The following PRTG variants were observed in gnomAD, a reference collection of about 807,000 sequenced individuals.
The protein encoded by PRTG is protogenin, also known as immunoglobulin superfamily, DCC subclass, member 5.
PRTG carries 67 observed loss-of-function variants against 122.5 expected under a neutral mutation model. The ratio of observed to expected loss-of-function variants is 0.55; its 90% CI spans 0.45 to 0.67. The LOEUF is 0.67. PRTG is among the 30% of genes least tolerant of loss of function. The pLI is 0.00. For missense variants in PRTG, 1,435 were observed against 1,415.4 expected (o/e 1.01, Z -0.22); for synonymous variants, 554 against 501.1 (o/e 1.11, Z -1.41).
chr15:55,620,452 C>T (rs1280127998), intron 19 of PRTG, among the ~76,000 whole-genome samples, 186 bp from the exon 20 acceptor site: 2 of 152,190 alleles, frequency 1.3e-5, no homozygotes, highest in Admixed American at 6.5e-5. Context: ...ACTGACCCTA[C>T]TCCCCACTGA....
chr15:55,655,472 A>G (rs1567085386), intron 11 of PRTG: 1 of 152,226 alleles, frequency 6.6e-6, no homozygotes, highest in Non-Finnish European at 1.5e-5. Flanking sequence ...ATATTATTAT[A>G]AATATCAGTT....
At position 55,627,110 on chromosome 15, in the gene PRTG, T is replaced by G. The variant is rs2059199253; in HGVS notation, c.2825A>C (p.His942Pro). The change falls in exon 17 of 20, where the codon CAT (histidine) becomes CCT (proline). Residue 942 changes from histidine (H) to proline (P), a missense_variant. Coordinates refer to ENST00000389286, the MANE Select transcript of PRTG (RefSeq NM_173814.6). ...GCCAGTCATTGATTTTTGGTCCAGA[T>G]GGTAATATCCTGAATAAACTAGAAG... Reference protein sequence around the residue: ...ADAKVYSGYYHLDQKSMTGIA... With the variant: ...ADAKVYSGYYPLDQKSMTGIA... 6.2e-7 allele frequency: 1 copy of G among 1,603,082 alleles called. No individual in the cohort carries two copies.
chr15:55,721,059 G>C (rs1378118421), intron 2 of PRTG, among the ~76,000 whole-genome samples: 1 of 152,072 alleles, frequency 6.6e-6, no homozygotes, highest in Admixed American at 6.5e-5. Flanking sequence ...TTCTATTTCA[G>C]TTGGTGGCAC....
At chr15:55,720,043 G>A (rs1357293151) in intron 2 of PRTG, among the ~76,000 whole-genome samples, 1 of 151,860 alleles carries the variant, frequency 6.6e-6, no homozygotes, top group African/African-American at 2.4e-5. Flanking sequence ...TGGGCAACGA[G>A]AGTGAAACTT....
intron 18 of PRTG, among the ~76,000 whole-genome samples, chr15:55,623,981 CCCAGTAAATACAGGTCAGT>C (rs2059180506): frequency 6.6e-6 from 1 of 152,044 alleles, no homozygotes; most frequent in East Asian, 1.9e-4. Context: ...AAGGTGACCA[CCCAGTAAATACAGGTCAGT>C]CCAAATTATA....
At chr15:55,714,371 T>C (rs2030519000) in intron 2 of PRTG, among the ~76,000 whole-genome samples, 2 of 151,880 alleles carry the variant, frequency 1.3e-5, no homozygotes, top group Non-Finnish European at 1.5e-5. Context: ...GGACTACAGA[T>C]GTGCACCCCC....
At chr15:55,727,063 A>C (rs2031061749) in intron 2 of PRTG, among the ~76,000 whole-genome samples, 1 of 152,096 alleles carries the variant, frequency 6.6e-6, no homozygotes, top group African/African-American at 2.4e-5. Context: ...AAAGAAGAAT[A>C]ATCTCAAATC....
intron 2 of PRTG, among the ~76,000 whole-genome samples, chr15:55,730,644 C>CA (rs2031198060): frequency 6.6e-6 from 1 of 151,860 alleles, no homozygotes; most frequent in Non-Finnish European, 1.5e-5. Flanking sequence ...AGTAAAAATA[C>CA]AAAAAATCAG....
Position 55,675,553 on chromosome 15 carries a change from C to A in PRTG, c.1512G>T (p.Met504Ile), listed in dbSNP as rs765895575. 2 of 1,612,460 alleles carry A rather than the reference C, an allele frequency of 1.2e-6. No homozygotes were observed. Among genetic ancestry groups the A allele is most frequent in the South Asian group, 1.1e-5 (1 of 90,924 alleles). Reference sequence around the variant, plus strand: ...GAGTATTCTGTGTCACATGGTCAGACATCTGGCTGGCTCCCATTGGCATAT... The same window carrying A: ...GAGTATTCTGTGTCACATGGTCAGAAATCTGGCTGGCTCCCATTGGCATAT... ...VAYMPMGASQ[M>I]SDHVTQNTLE... Residue 504 changes from methionine to isoleucine, a missense_variant, in exon 9 of 20, where the codon ATG becomes ATT. Met to Ile is a conservative substitution (Grantham distance 10). Coordinates refer to ENST00000389286, the MANE Select transcript of PRTG (RefSeq NM_173814.6).
chr15:55,646,560 G>A (rs1464129656), intron 11 of PRTG, among the ~76,000 whole-genome samples: 2 of 152,052 alleles, frequency 1.3e-5, no homozygotes, highest in African/African-American at 4.8e-5. Flanking sequence ...CTGACCTCGT[G>A]ATCCACCCGC....
intron 15 of PRTG, among the ~76,000 whole-genome samples, chr15:55,636,805 C>A (rs1433414387): frequency 1.3e-5 from 2 of 152,128 alleles, no homozygotes; most frequent in Non-Finnish European, 2.9e-5. Context: ...TGCCATCACA[C>A]CCAGCTAATT....
At chr15:55,740,045 A>C (rs2031558802) in intron 2 of PRTG, among the ~76,000 whole-genome samples, 1 of 152,224 alleles carries the variant, frequency 6.6e-6, no homozygotes, top group African/African-American at 2.4e-5. Flanking sequence ...AATTTCCATA[A>C]GATTAAATTT....
rs556820964 is a variant in PRTG, at chr15:55,652,308, G to C, written c.2042-11100C>G. On this transcript the variant is annotated intron_variant, in intron 11 of 19. Coordinates refer to ENST00000389286, the MANE Select transcript of PRTG (RefSeq NM_173814.6). ...AACGTCAGGATATGCCTGTAGGAAT[G>C]ATCAGAATAAGTAGGTAGGAAATGA... Among the ~76,000 whole-genome samples, 3 of 152,246 alleles carry C rather than the reference G, an allele frequency of 2.0e-5. No homozygotes were observed. The East Asian group carries it at 5.8e-4, about 29-fold the overall frequency.
intron 15 of PRTG, among the ~76,000 whole-genome samples, chr15:55,632,616 C>A (rs1265000438): frequency 1.3e-5 from 2 of 152,214 alleles, no homozygotes; most frequent in Admixed American, 1.3e-4. Flanking sequence ...TGCTGTTCCT[C>A]TAACATGCCA....
chr15:55,735,580 G>A (rs2031383480), intron 2 of PRTG, among the ~76,000 whole-genome samples: 1 of 151,024 alleles, frequency 6.6e-6, no homozygotes, highest in Non-Finnish European at 1.5e-5. Context: ...AGAGATAGTT[G>A]ACAAAAAGGA....
intron 16 of PRTG, among the ~76,000 whole-genome samples, chr15:55,628,387 A>G (rs148736661): frequency 6.7e-4 from 1 of 1,490 alleles, no homozygotes; most frequent in African/African-American, 7.3e-4. Flanking sequence ...ACAGAGAGGG[A>G]AAAAAAAAAA....
chr15:55,646,593 A>G (rs1432466394), intron 11 of PRTG, among the ~76,000 whole-genome samples: 1 of 152,100 alleles, frequency 6.6e-6, no homozygotes, highest in Admixed American at 6.5e-5. Context: ...AAGTGCTGGG[A>G]TTACAGGCGT....
At chr15:55,742,752 C>CGCCCCATCGTTTCCTCTT (rs2031654481) in intron 1 of PRTG, 86 bp downstream of exon 1, 1 of 1,484,792 alleles carries the variant, frequency 6.7e-7, no homozygotes, top group Admixed American at 2.0e-5. Context: ...GCGCTCCCCA[C>CGCCCCATCGTTTCCTCTT]GCCCCATCGT....
chr15:55,727,654 G>T (rs2031081593), intron 2 of PRTG, among the ~76,000 whole-genome samples: 1 of 152,030 alleles, frequency 6.6e-6, no homozygotes, highest in African/African-American at 2.4e-5. Flanking sequence ...AAATTAGCAG[G>T]GCGTGGTGGC....
Sources: gnomAD v4.1 joint callset for allele counts (sites outside exome capture counted in the v4.1 genomes callset) on GRCh38, gnomAD v4.1.1 for gene constraint, MANE v1.5 for transcripts, NCBI Gene and HGNC (gene_info 2026-07-23, HGNC 2026-07-21) for gene names.